Variants in FBXO4 observed in about 807,000 individuals in gnomAD.
The protein encoded by FBXO4 is F-box protein 4, also known as F-box only protein 4.
A neutral mutation model predicts 43.7 loss-of-function variants in FBXO4; 36 were observed. The ratio of observed to expected loss-of-function variants is 0.82; its 90% CI spans 0.63 to 1.09. FBXO4 has a LOEUF of 1.09. Among genes scored for constraint, FBXO4 ranks in the 50% least tolerant of loss-of-function variants. FBXO4 has a pLI of 0.00. For synonymous variants in FBXO4, 180 were observed against 165.6 expected (o/e 1.09, Z -0.67); for missense variants, 435 against 474.1 (o/e 0.92, Z 0.77).
the FBXO4 span, among the ~76,000 whole-genome samples, chr5:42,038,332 T>C: frequency 6.6e-6 from 1 of 152,144 alleles, no homozygotes; most frequent in Non-Finnish European, 1.5e-5. Flanking sequence ...AGTCATTGCT[T>C]AATCTTGTTT....
At chr5:42,020,270 G>A in the FBXO4 span, among the ~76,000 whole-genome samples, 1 of 152,022 alleles carries the variant, frequency 6.6e-6, no homozygotes, top group Non-Finnish European at 1.5e-5. Context: ...TTCCTATTAA[G>A]GAGTAAAATG....
chr5:42,037,527 C>T, the FBXO4 span, among the ~76,000 whole-genome samples: 1 of 152,080 alleles, frequency 6.6e-6, no homozygotes, highest in Non-Finnish European at 1.5e-5. Context: ...TCAGCTTGTT[C>T]TCTGACCCAC....
the FBXO4 span, among the ~76,000 whole-genome samples, chr5:41,968,678 T>A: frequency 5.3e-5 from 8 of 152,332 alleles, no homozygotes; most frequent in Non-Finnish European, 8.8e-5. Flanking sequence ...CACCTTTTTT[T>A]AAATATTCTG....
chr5:41,988,584 A>G, the FBXO4 span, among the ~76,000 whole-genome samples: 5 of 152,142 alleles, frequency 3.3e-5, no homozygotes, highest in Admixed American at 6.6e-5. Flanking sequence ...TTATTCATCA[A>G]CTACAGTTTA....
chr5:42,017,487 G>C, the FBXO4 span, among the ~76,000 whole-genome samples: 1 of 150,660 alleles, frequency 6.6e-6, no homozygotes, highest in Non-Finnish European at 1.5e-5. Flanking sequence ...GTGCAGGTTT[G>C]TTACTTGGGT....
At chr5:41,951,510 G>T in the FBXO4 span, 1 of 258,332 alleles carries the variant, frequency 3.9e-6, no homozygotes, top group Non-Finnish European at 7.4e-6. Context: ...GAAGAAGTCT[G>T]TTCGCCCTGA....
At chr5:42,014,545 G>A in the FBXO4 span, among the ~76,000 whole-genome samples, 1 of 152,076 alleles carries the variant, frequency 6.6e-6, no homozygotes, top group African/African-American at 2.4e-5. Flanking sequence ...CCTGCCATTT[G>A]CCAATACTAG....
chr5:41,929,991 A>T, intron 3 of FBXO4, 74 bp downstream of exon 3: 2 of 1,214,850 alleles, frequency 1.6e-6, no homozygotes, highest in Non-Finnish European at 2.3e-6. Context: ...AAAGAAATTC[A>T]TTTTAAATTA....
At chr5:41,958,158 G>A in the FBXO4 span, among the ~76,000 whole-genome samples, 1 of 138,486 alleles carries the variant, frequency 7.2e-6, no homozygotes, top group Non-Finnish European at 1.5e-5. Flanking sequence ...TTTTTGAGAC[G>A]GAGTCTCGCT....
chr5:41,955,992 A>G, the FBXO4 span, among the ~76,000 whole-genome samples: 6 of 152,360 alleles, frequency 3.9e-5, no homozygotes, highest in African/African-American at 1.4e-4. Context: ...TAATTAACTT[A>G]GCATCCCAGA....
At chr5:42,039,103 A>C in the FBXO4 span, among the ~76,000 whole-genome samples, 1 of 152,068 alleles carries the variant, frequency 6.6e-6, no homozygotes, top group East Asian at 1.9e-4. Context: ...CAAATTTGAG[A>C]GCCCCGGTAT....
downstream of FBXO4, among the ~76,000 whole-genome samples, chr5:41,945,113 A>G (rs1360724326): frequency 2.0e-5 from 3 of 152,234 alleles, no homozygotes; most frequent in Non-Finnish European, 4.4e-5. Flanking sequence ...AGCTAAAAAG[A>G]TAGTCAATGA....
the FBXO4 span, among the ~76,000 whole-genome samples, chr5:42,022,821 A>G: frequency 6.6e-6 from 1 of 152,036 alleles, no homozygotes; most frequent in East Asian, 1.9e-4. Context: ...GCAGGGTATG[A>G]GAGTGTGGAG....
chr5:42,031,746 G>C, the FBXO4 span, among the ~76,000 whole-genome samples: 1 of 152,028 alleles, frequency 6.6e-6, no homozygotes, highest in Non-Finnish European at 1.5e-5. Flanking sequence ...GCTAGTAGAT[G>C]TTCTTCAGTG....
chr5:41,984,374 C>T, the FBXO4 span, among the ~76,000 whole-genome samples: 1 of 152,168 alleles, frequency 6.6e-6, no homozygotes, highest in African/African-American at 2.4e-5. Flanking sequence ...TAAATTAACT[C>T]TCTAGAGCTC....
downstream of FBXO4, among the ~76,000 whole-genome samples, chr5:41,944,787 AG>A (rs1272569069): frequency 6.6e-6 from 1 of 152,056 alleles, no homozygotes; most frequent in Non-Finnish European, 1.5e-5. Flanking sequence ...TTGCTCTTTT[AG>A]CTAAGGTTAC....
At chr5:42,032,487 G>A in the FBXO4 span, among the ~76,000 whole-genome samples, 1 of 152,268 alleles carries the variant, frequency 6.6e-6, no homozygotes, top group African/African-American at 2.4e-5. Context: ...TCCCAAGGCA[G>A]AGAAGCCTTA....
the FBXO4 span, among the ~76,000 whole-genome samples, chr5:41,981,540 C>T: frequency 4.4e-4 from 67 of 151,584 alleles, no homozygotes; most frequent in African/African-American, 1.5e-3. Flanking sequence ...ATTTCTATAA[C>T]GTATACTCTA....
the FBXO4 span, among the ~76,000 whole-genome samples, chr5:42,029,099 T>G: frequency 6.6e-6 from 1 of 152,034 alleles, no homozygotes; most frequent in African/African-American, 2.4e-5. Context: ...ATTGAAGTAC[T>G]CCCTTTGGCT....
Sources: gnomAD v4.1 joint callset for allele counts (sites outside exome capture counted in the v4.1 genomes callset) on GRCh38, gnomAD v4.1.1 for gene constraint, MANE v1.5 for transcripts, NCBI Gene and HGNC (gene_info 2026-07-23, HGNC 2026-07-21) for gene names.